GPC6: variants seen among roughly 807,000 people sequenced by gnomAD.
The protein encoded by GPC6 is glypican 6.
A neutral mutation model predicts 55.2 loss-of-function variants in GPC6; 14 were observed. The ratio of observed to expected loss-of-function variants is 0.25; its 90% CI spans 0.17 to 0.40. The LOEUF is 0.40. Ranked by LOEUF, GPC6 falls within the 10% of genes least tolerant of loss-of-function variation. The pLI is 1.00. For synonymous variants in GPC6, 278 were observed against 259.6 expected (o/e 1.07, Z -0.68); for missense variants, 641 against 708.5 (o/e 0.90, Z 1.08).
intron 1 of GPC6, among the ~76,000 whole-genome samples, chr13:93,519,635 A>G (rs1881333011): frequency 6.6e-6 from 1 of 151,994 alleles, no homozygotes; most frequent in Non-Finnish European, 1.5e-5. Context: ...ATCACAGTCA[A>G]TGTTTGAGTT....
intron 2 of GPC6, among the ~76,000 whole-genome samples, chr13:93,699,257 TTTAAA>T (rs1354857357): frequency 6.6e-6 from 1 of 152,048 alleles, no homozygotes; most frequent in Non-Finnish European, 1.5e-5. Context: ...GGGTGATAAA[TTTAAA>T]TTAAAGAGAG....
At chr13:93,880,627 A>G (rs1431169343) in intron 3 of GPC6, among the ~76,000 whole-genome samples, 1 of 152,092 alleles carries the variant, frequency 6.6e-6, no homozygotes, top group Non-Finnish European at 1.5e-5. Flanking sequence ...TGACGAGTTA[A>G]TGGGTGCAGT....
chr13:93,424,856 G>A (rs572337979), intron 1 of GPC6, among the ~76,000 whole-genome samples: 25 of 152,270 alleles, frequency 1.6e-4, no homozygotes, highest in African/African-American at 6.0e-4. Context: ...TTTGGAAACA[G>A]GACCACATTT....
chr13:94,202,675 T>G (rs1403615508), intron 4 of GPC6, among the ~76,000 whole-genome samples: 1 of 152,134 alleles, frequency 6.6e-6, no homozygotes, highest in South Asian at 2.1e-4. Flanking sequence ...AAAGTATGGG[T>G]TGTTTAGATA....
chr13:93,416,644 CTT>C (rs1876707650), intron 1 of GPC6, among the ~76,000 whole-genome samples: 1 of 152,090 alleles, frequency 6.6e-6, no homozygotes, highest in Non-Finnish European at 1.5e-5. Flanking sequence ...CTTATACATT[CTT>C]CGAAACTATT....
rs148554209 is a variant in GPC6, at chr13:93,505,618, C to G, written c.161-39645C>G. 1.9e-4 allele frequency among the ~76,000 whole-genome samples: 29 copies of G among 152,250 alleles called. 1 individual carries two copies. The highest frequency in any genetic ancestry group is 6.7e-4 in the African/African-American group (28 of 41,544). ...AGGGACATTAGACAGCAGTTCAGCACTACAGCTGGGGGCCATTTTAAACAG... is the reference window on the plus strand; with the variant it reads ...AGGGACATTAGACAGCAGTTCAGCAGTACAGCTGGGGGCCATTTTAAACAG... On this transcript the variant is annotated intron_variant, in intron 1 of 8. Transcript: ENST00000377047.
intron 1 of GPC6, among the ~76,000 whole-genome samples, chr13:93,322,218 G>T (rs562205477): frequency 2.5e-4 from 38 of 152,152 alleles, no homozygotes; most frequent in Admixed American, 1.4e-3. Context: ...CTTGTGTCAT[G>T]GAGTTTGTTG....
chr13:93,664,022 C>T (rs985311019), intron 2 of GPC6, among the ~76,000 whole-genome samples: 3 of 152,100 alleles, frequency 2.0e-5, no homozygotes, highest in Admixed American at 6.5e-5. Flanking sequence ...AGTCGTTGTT[C>T]TGTATAATGT....
At chr13:94,280,700 G>T (rs1483899249) in intron 4 of GPC6, among the ~76,000 whole-genome samples, 1 of 151,980 alleles carries the variant, frequency 6.6e-6, no homozygotes, top group Admixed American at 6.6e-5. Context: ...AAATTCTTTT[G>T]TATGCTTCTC....
At chr13:94,234,508 C>CTTTTTTTTTTTTTTTT (rs56709078) in intron 4 of GPC6, among the ~76,000 whole-genome samples, 1 of 136,110 alleles carries the variant, frequency 7.3e-6, no homozygotes, top group Admixed American at 7.4e-5. Context: ...CTTTTGTTTG[C>CTTTTTTTTTTTTTTTT]TTTTTTTTTT....
chr13:94,266,354 G>C (rs1891812172), intron 4 of GPC6, among the ~76,000 whole-genome samples: 1 of 152,064 alleles, frequency 6.6e-6, no homozygotes, highest in Non-Finnish European at 1.5e-5. Flanking sequence ...ATTTTTAGTA[G>C]AGACGGGGTT....
Position 93,744,423 on chromosome 13 carries a change from C to T in GPC6, c.320-85731C>T, listed in dbSNP as rs1594419736. ...TCTTAGTGCCCACTGACCTCTCTTC[C>T]CAGGAAATCAAGTGGACTTCTCTGC... On this transcript the variant is annotated intron_variant, in intron 2 of 8. Coordinates refer to ENST00000377047, the MANE Select transcript of GPC6 (RefSeq NM_005708.5). Among the ~76,000 whole-genome samples, 5 of 151,954 alleles carry T rather than the reference C, an allele frequency of 3.3e-5. No homozygotes were observed. In the South Asian group the frequency reaches 1.0e-3, roughly 32 times the overall value.
At chr13:94,381,455 C>G (rs1398507037) in intron 6 of GPC6, among the ~76,000 whole-genome samples, 1 of 152,060 alleles carries the variant, frequency 6.6e-6, no homozygotes, top group African/African-American at 2.4e-5. Context: ...TTTCTTTCCT[C>G]TGTGTGTGTC....
chr13:94,174,761 C>T (rs780018398), intron 4 of GPC6, among the ~76,000 whole-genome samples: 8 of 152,104 alleles, frequency 5.3e-5, no homozygotes, highest in Non-Finnish European at 1.0e-4. Flanking sequence ...TCCAAAGTCA[C>T]GGAAAACAGC....
intron 1 of GPC6, among the ~76,000 whole-genome samples, chr13:93,296,613 G>A (rs758330572): frequency 1.3e-5 from 2 of 152,018 alleles, no homozygotes; most frequent in Non-Finnish European, 2.9e-5. Context: ...CCCTACTACA[G>A]TGGCTGGCAC....
chr13:93,534,892 C>G (rs1378858430), intron 1 of GPC6, among the ~76,000 whole-genome samples: 1 of 152,184 alleles, frequency 6.6e-6, no homozygotes, highest in Admixed American at 6.5e-5. Context: ...GGTGGGGACC[C>G]AAGGAACTCA....
At chr13:93,875,538 A>G (rs561405797) in intron 3 of GPC6, among the ~76,000 whole-genome samples, 14 of 152,210 alleles carry the variant, frequency 9.2e-5, no homozygotes, top group African/African-American at 3.1e-4. Flanking sequence ...CATACCATGC[A>G]CAAAGGTAAG....
chr13:93,307,935 G>T (rs1384655626), intron 1 of GPC6, among the ~76,000 whole-genome samples: 3 of 152,142 alleles, frequency 2.0e-5, no homozygotes, highest in African/African-American at 7.2e-5. Flanking sequence ...AATATATACA[G>T]ATTTATCTGC....
intron 1 of GPC6, among the ~76,000 whole-genome samples, chr13:93,370,121 A>G (rs1488291212): frequency 6.6e-6 from 1 of 152,128 alleles, no homozygotes; most frequent in East Asian, 1.9e-4. Flanking sequence ...ACAATGCTGC[A>G]TTCATTATTC....
Sources: allele counts gnomAD v4.1 joint callset (sites outside exome capture counted in the v4.1 genomes callset), GRCh38; gene constraint gnomAD v4.1.1; transcripts MANE v1.5; gene names NCBI Gene and HGNC (gene_info 2026-07-23, HGNC 2026-07-21).